DLEU7: variants seen among roughly 807,000 people sequenced by gnomAD.
DLEU7 encodes leukemia-associated protein 7.
Under a neutral mutation model 16.0 loss-of-function variants are expected in DLEU7, and 17 were observed. That is an observed-to-expected ratio of 1.06 (90% CI 0.73 to 1.59). DLEU7 has a LOEUF of 1.59. DLEU7 is among the 40% of genes most tolerant of loss of function. DLEU7 has a pLI of 0.00. For synonymous variants in DLEU7, 113 were observed against 139.8 expected, an observed-to-expected ratio of 0.81 and a Z score of 1.35; for missense variants, 308 against 314.9, an observed-to-expected ratio of 0.98 and a Z score of 0.17.
intron 1 of DLEU7, among the ~76,000 whole-genome samples, chr13:50,750,465 G>A (rs893087430): frequency 9.2e-5 from 14 of 151,884 alleles, no homozygotes; most frequent in Admixed American, 3.9e-4. Context: ...TTTCTAATTC[G>A]GTGAAGAATG....
chr13:50,762,579 G>A (rs1467057722), intron 1 of DLEU7, among the ~76,000 whole-genome samples: 1 of 152,122 alleles, frequency 6.6e-6, no homozygotes, highest in Non-Finnish European at 1.5e-5. Flanking sequence ...ATGGAAGCTT[G>A]CATTCTTTTC....
intron 1 of DLEU7, among the ~76,000 whole-genome samples, chr13:50,723,894 A>G (rs1873692017): frequency 6.6e-6 from 1 of 151,960 alleles, no homozygotes; most frequent in Admixed American, 6.5e-5. Flanking sequence ...ATTCATGTAT[A>G]CTTGTATAGT....
chr13:50,822,832 G>A (rs878985126), downstream of DLEU7: 15 of 986,878 alleles, frequency 1.5e-5, no homozygotes, highest in Admixed American at 1.2e-4. Context: ...TACAAAGATC[G>A]TTCTTATAAA....
intron 1 of DLEU7, among the ~76,000 whole-genome samples, chr13:50,836,058 T>G: frequency 6.6e-6 from 1 of 152,264 alleles, no homozygotes; most frequent in African/African-American, 2.4e-5. Flanking sequence ...TTTTTTCTCC[T>G]ACCATGTCAC....
At chr13:50,764,456 TGGCCGAAGGACCTA>T (rs1247905069) in intron 1 of DLEU7, among the ~76,000 whole-genome samples, 7 of 152,230 alleles carry the variant, frequency 4.6e-5, no homozygotes, top group Non-Finnish European at 7.3e-5. Flanking sequence ...AACCTCTGGA[TGGCCGAAGGACCTA>T]GGCTATACAG....
At chr13:50,713,116 G>T in exon 2 of DLEU7, 1 of 1,380,554 alleles carries the variant, frequency 7.2e-7, no homozygotes, top group Non-Finnish European at 1.0e-6. Flanking sequence ...AATAAGAAGT[G>T]GTTTAACATC....
At chr13:50,837,601 A>G (rs192843016) in intron 1 of DLEU7, among the ~76,000 whole-genome samples, 2 of 152,332 alleles carry the variant, frequency 1.3e-5, no homozygotes, top group African/African-American at 2.4e-5. Flanking sequence ...CACCTTGGCT[A>G]TGGCTACTGA....
intron 1 of DLEU7, among the ~76,000 whole-genome samples, chr13:50,747,587 A>G (rs969861578): frequency 6.6e-6 from 1 of 152,086 alleles, no homozygotes; most frequent in Admixed American, 6.6e-5. Context: ...GGAGCCAGTC[A>G]CAGAACACAG....
At chr13:50,826,149 T>C (rs1182330768) in intron 1 of DLEU7, among the ~76,000 whole-genome samples, 2 of 151,906 alleles carry the variant, frequency 1.3e-5, no homozygotes, top group Admixed American at 6.6e-5. Context: ...GGGTTTGTGC[T>C]CCTATGAGAA....
intron 1 of DLEU7, among the ~76,000 whole-genome samples, chr13:50,826,033 C>T (rs1005444634): frequency 6.9e-6 from 1 of 145,220 alleles, no homozygotes; most frequent in Non-Finnish European, 1.5e-5. Flanking sequence ...CGACAGGCCC[C>T]GATGTGTGAT....
intron 1 of DLEU7, among the ~76,000 whole-genome samples, chr13:50,804,172 T>C (rs997874240): frequency 4.6e-5 from 7 of 152,084 alleles, no homozygotes; most frequent in Non-Finnish European, 1.0e-4. Flanking sequence ...TTCTATTTTT[T>C]CCCCTGAATT....
At chr13:50,839,137 T>C (rs1292533432) in intron 1 of DLEU7, among the ~76,000 whole-genome samples, 2 of 152,242 alleles carry the variant, frequency 1.3e-5, no homozygotes, top group East Asian at 3.8e-4. Flanking sequence ...ATCTCTCACA[T>C]ACACAATTTC....
chr13:50,774,796 G>A (rs1200602269), intron 1 of DLEU7, among the ~76,000 whole-genome samples: 4 of 151,714 alleles, frequency 2.6e-5, no homozygotes, highest in Admixed American at 2.0e-4. Context: ...CTTGCTCTCT[G>A]TCCTTCAGTT....
chr13:50,796,372 G>A (rs1246149112), intron 1 of DLEU7, among the ~76,000 whole-genome samples: 1 of 152,104 alleles, frequency 6.6e-6, no homozygotes, highest in East Asian at 1.9e-4. Flanking sequence ...TACCAAGAAG[G>A]CCTCCAAGTG....
At chr13:50,745,388 G>A (rs1418606697) in intron 1 of DLEU7, among the ~76,000 whole-genome samples, 3 of 151,504 alleles carry the variant, frequency 2.0e-5, no homozygotes, top group Non-Finnish European at 3.0e-5. Flanking sequence ...GTAGAATGAT[G>A]GTTATCAGGG....
chr13:50,795,569 G>A (rs1876089035), intron 1 of DLEU7, among the ~76,000 whole-genome samples: 1 of 152,070 alleles, frequency 6.6e-6, no homozygotes, highest in African/African-American at 2.4e-5. Flanking sequence ...CATTTATCCT[G>A]TTTTTCTTCA....
intron 1 of DLEU7, among the ~76,000 whole-genome samples, chr13:50,735,026 C>A (rs1394804032): frequency 6.6e-6 from 1 of 151,998 alleles, no homozygotes; most frequent in Non-Finnish European, 1.5e-5. Context: ...GCGAAGTAGA[C>A]CTCAGGACAA....
At chr13:50,731,549 T>C (rs1391565556) in intron 1 of DLEU7, among the ~76,000 whole-genome samples, 1 of 152,232 alleles carries the variant, frequency 6.6e-6, no homozygotes, top group Non-Finnish European at 1.5e-5. Context: ...GTAGGGCCTG[T>C]ATTGTTGAAG....
At chr13:50,757,415 G>A (rs577160151) in intron 1 of DLEU7, among the ~76,000 whole-genome samples, 5 of 152,156 alleles carry the variant, frequency 3.3e-5, no homozygotes, top group African/African-American at 1.2e-4. Flanking sequence ...CTTATTCTCT[G>A]CTAATCTGCC....
Sources: allele counts gnomAD v4.1 joint callset (sites outside exome capture counted in the v4.1 genomes callset), GRCh38; gene constraint gnomAD v4.1.1; transcripts MANE v1.5; gene names NCBI Gene and HGNC (gene_info 2026-07-23, HGNC 2026-07-21).